Variants in KATNBL1 observed in about 807,000 individuals in gnomAD.
KATNBL1 encodes KATNB1-like protein 1.
Under a neutral mutation model 44.7 loss-of-function variants are expected in KATNBL1, and 28 were observed. The observed-to-expected ratio is 0.63, with a 90% CI of 0.46 to 0.86. The LOEUF (loss-of-function observed/expected upper bound fraction) is 0.86. Among genes scored for constraint, KATNBL1 ranks in the 40% least tolerant of loss-of-function variants. The pLI, the probability that KATNBL1 is intolerant of heterozygous loss-of-function variation, is 0.00. For synonymous variants in KATNBL1, 78 were observed against 114.9 expected (o/e 0.68, Z 2.06); for missense variants, 272 against 350.7 (o/e 0.78, Z 1.79).
intron 1 of KATNBL1, among the ~76,000 whole-genome samples, chr15:34,201,227 T>C (rs1038925832): frequency 6.6e-6 from 1 of 152,002 alleles, no homozygotes; most frequent in African/African-American, 2.4e-5. Flanking sequence ...TCCATAGTTG[T>C]GGACCTACAC....
At chr15:34,162,723 C>CGTAG (rs1162262527) in intron 2 of KATNBL1, among the ~76,000 whole-genome samples, 19 of 152,100 alleles carry the variant, frequency 1.2e-4, no homozygotes, top group Admixed American at 9.8e-4. Context: ...GATCCTCCTA[C>CGTAG]CTCAGCCTCC....
At chr15:34,207,529 G>T (rs1160720519) in intron 1 of KATNBL1, among the ~76,000 whole-genome samples, 2 of 152,134 alleles carry the variant, frequency 1.3e-5, no homozygotes, top group Non-Finnish European at 2.9e-5. Flanking sequence ...TGTAGAGATG[G>T]AGTCTTGGTA....
chr15:34,145,679 A>G, intron 8 of KATNBL1, 188 bp from the exon 9 acceptor site: 1 of 386,568 alleles, frequency 2.6e-6, no homozygotes, highest in African/African-American at 2.1e-5. Flanking sequence ...AACTTTTAGA[A>G]TAATACATGT....
chr15:34,199,072 G>C (rs1399059731), intron 1 of KATNBL1, among the ~76,000 whole-genome samples: 1 of 152,184 alleles, frequency 6.6e-6, no homozygotes, highest in African/African-American at 2.4e-5. Context: ...CTCATGTACT[G>C]TCCAGCAAAA....
At position 34,179,502 on chromosome 15, in the gene KATNBL1, T is replaced by G. The variant is rs185958710; in HGVS notation, c.-14-15812A>C. ...TTGAAACCATAGCAATGGTATTTTTTTTTGTTTGTTTTTTAAGAGATAAAG... is the reference window on the plus strand; with the variant it reads ...TTGAAACCATAGCAATGGTATTTTTGTTTGTTTGTTTTTTAAGAGATAAAG... On this transcript the variant is annotated intron_variant, in intron 1 of 9. Transcript: ENST00000256544. Among the ~76,000 whole-genome samples the G allele has an allele frequency of 2.4e-4, 37 of 152,208 alleles. No homozygotes were observed. The East Asian group carries it at 3.3e-3, about 14-fold the overall frequency.
chr15:34,198,608 G>C (rs908655841), intron 1 of KATNBL1, among the ~76,000 whole-genome samples: 1 of 152,138 alleles, frequency 6.6e-6, no homozygotes, highest in African/African-American at 2.4e-5. Context: ...TAATACAAAA[G>C]TGTTCCAAAA....
chr15:34,198,785 G>T (rs1378423137), intron 1 of KATNBL1, among the ~76,000 whole-genome samples: 3 of 152,174 alleles, frequency 2.0e-5, no homozygotes, highest in African/African-American at 7.2e-5. Context: ...AAGAGGGACT[G>T]GCAAGGGAAG....
chr15:34,160,229 T>C (rs1238942570), intron 2 of KATNBL1, among the ~76,000 whole-genome samples: 3 of 152,202 alleles, frequency 2.0e-5, no homozygotes, highest in African/African-American at 4.8e-5. Flanking sequence ...ACCCTTCATA[T>C]TGCCTGGAGA....
intron 1 of KATNBL1, among the ~76,000 whole-genome samples, chr15:34,175,000 A>G (rs1426731409): frequency 6.6e-6 from 1 of 151,972 alleles, no homozygotes; most frequent in Non-Finnish European, 1.5e-5. Flanking sequence ...TAATCCCAGC[A>G]CTGTGGTAGG....
chr15:34,205,030 T>C (rs1220516711), intron 1 of KATNBL1, among the ~76,000 whole-genome samples: 1 of 151,582 alleles, frequency 6.6e-6, no homozygotes, highest in Non-Finnish European at 1.5e-5. Context: ...AGTCTCGCTC[T>C]GTTGCCAGGC....
intron 3 of KATNBL1, 56 bp from the exon 4 acceptor site, chr15:34,153,125 A>G: frequency 7.5e-7 from 1 of 1,332,482 alleles, no homozygotes; most frequent in African/African-American, 1.5e-5. Context: ...ATCCTTTAAA[A>G]GTTTTTAAAC....
intron 3 of KATNBL1, among the ~76,000 whole-genome samples, chr15:34,153,794 C>T (rs935646215): frequency 6.6e-6 from 1 of 152,178 alleles, no homozygotes; most frequent in Non-Finnish European, 1.5e-5. Context: ...TGATCTTGAT[C>T]TCTTGACCTC....
intron 1 of KATNBL1, among the ~76,000 whole-genome samples, chr15:34,180,819 T>G (rs977587793): frequency 6.6e-6 from 1 of 152,076 alleles, no homozygotes; most frequent in African/African-American, 2.4e-5. Context: ...TCCCAGCACT[T>G]TGGGAGGCTG....
chr15:34,193,463 T>A (rs914598185), intron 1 of KATNBL1, among the ~76,000 whole-genome samples: 1 of 144,788 alleles, frequency 6.9e-6, no homozygotes, highest in African/African-American at 2.6e-5. Context: ...GAACCTGGGA[T>A]GCGGAGGTTG....
chr15:34,152,322 T>A (rs1888505340), intron 4 of KATNBL1, among the ~76,000 whole-genome samples: 2 of 151,470 alleles, frequency 1.3e-5, no homozygotes, highest in Admixed American at 1.3e-4. Context: ...TGTCTCAGCC[T>A]CCTTCTGAGT....
intron 2 of KATNBL1, among the ~76,000 whole-genome samples, chr15:34,156,456 T>C (rs963724169): frequency 7.2e-5 from 11 of 152,208 alleles, no homozygotes; most frequent in African/African-American, 2.2e-4. Flanking sequence ...AGCATAACAA[T>C]TGCTTTTGTT....
Position 34,181,870 on chromosome 15 carries a change from C to CATAT in KATNBL1, c.-14-18184_-14-18181dup, listed in dbSNP as rs374057022. On this transcript the variant is annotated intron_variant, in intron 1 of 9. Coordinates refer to ENST00000256544, the MANE Select transcript of KATNBL1 (RefSeq NM_024713.3). ...TATATATAGTCCATATATATATATC[C>CATAT]ATATATATATATATATATGGATGGG... Among the ~76,000 whole-genome samples the CATAT allele has an allele frequency of 3.9e-3, 282 of 73,068 alleles. 17 individuals carry two copies. The highest frequency in any genetic ancestry group is 0.012 in the South Asian group (24 of 1,996). The allele number at this position is 73,068 out of a possible 152,430, so 47.9% of individuals were successfully genotyped here. A position where few individuals can be genotyped will look rare whatever the true frequency, so the allele number is the denominator to read the frequency against.
At chr15:34,165,457 A>T (rs999519378) in intron 1 of KATNBL1, among the ~76,000 whole-genome samples, 3 of 152,062 alleles carry the variant, frequency 2.0e-5, no homozygotes, top group African/African-American at 7.3e-5. Flanking sequence ...CAAAGACAGG[A>T]GAAGTTCAGG....
intron 1 of KATNBL1, among the ~76,000 whole-genome samples, chr15:34,198,046 C>T (rs1890072131): frequency 6.6e-6 from 1 of 152,152 alleles, no homozygotes; most frequent in South Asian, 2.1e-4. Context: ...TGAGCCACCG[C>T]ACCCAGCCGA....
Sources: gnomAD v4.1 joint callset for allele counts (sites outside exome capture counted in the v4.1 genomes callset) on GRCh38, gnomAD v4.1.1 for gene constraint, MANE v1.5 for transcripts, NCBI Gene and HGNC (gene_info 2026-07-23, HGNC 2026-07-21) for gene names.